Variants in GRIK1 observed in about 807,000 individuals in gnomAD.
The protein encoded by GRIK1 is glutamate receptor ionotropic, kainate 1.
In GRIK1, 69 loss-of-function variants were observed where a neutral mutation model predicts 105.7. The ratio of observed to expected loss-of-function variants is 0.65; its 90% CI spans 0.54 to 0.80. The LOEUF (loss-of-function observed/expected upper bound fraction) is 0.80. GRIK1 is among the 30% of genes least tolerant of loss of function. GRIK1 has a pLI of 0.00. For missense variants in GRIK1, 1,109 were observed against 1,167.3 expected, an observed-to-expected ratio of 0.95 and a Z score of 0.73; for synonymous variants, 438 against 431.3, an observed-to-expected ratio of 1.02 and a Z score of -0.19.
chr21:29,651,048 G>A, intron 6 of GRIK1, 70 bp downstream of exon 6: 1 of 1,126,928 alleles, frequency 8.9e-7, no homozygotes, highest in Non-Finnish European at 1.3e-6. Context: ...ATATTTTAAA[G>A]ATACGTGAGA....
chr21:29,622,577 A>G (rs958093538), intron 7 of GRIK1, among the ~76,000 whole-genome samples: 6 of 152,188 alleles, frequency 3.9e-5, no homozygotes, highest in Non-Finnish European at 5.9e-5. Context: ...CCAAATTCCC[A>G]GAAGGGTGAT....
intron 3 of GRIK1, among the ~76,000 whole-genome samples, chr21:29,676,559 C>G (rs1439487524): frequency 6.6e-6 from 1 of 152,164 alleles, no homozygotes. Context: ...GGCACAACAC[C>G]TAGCTTTGCT....
intron 1 of GRIK1, among the ~76,000 whole-genome samples, chr21:29,930,840 T>A (rs2071540694): frequency 6.6e-6 from 1 of 152,220 alleles, no homozygotes; most frequent in African/African-American, 2.4e-5. Flanking sequence ...TTAAGGACAC[T>A]CTTAGAAAAC....
intron 1 of GRIK1, among the ~76,000 whole-genome samples, chr21:29,770,330 C>G (rs1211701903): frequency 6.6e-6 from 1 of 152,204 alleles, no homozygotes; most frequent in African/African-American, 2.4e-5. Flanking sequence ...GTAGTGCCCA[C>G]GTCTGGGTCT....
intron 8 of GRIK1, among the ~76,000 whole-genome samples, chr21:29,598,320 T>C (rs1229715980): frequency 1.3e-5 from 2 of 152,228 alleles, no homozygotes; most frequent in Non-Finnish European, 1.5e-5. Context: ...TACAGTTTTT[T>C]GGCATTTGTC....
At chr21:29,623,129 C>T (rs2062044102) in intron 7 of GRIK1, among the ~76,000 whole-genome samples, 2 of 152,184 alleles carry the variant, frequency 1.3e-5, no homozygotes, top group South Asian at 4.1e-4. Flanking sequence ...CGCAGTTCCA[C>T]ATGGCTGGGG....
At chr21:29,646,849 C>A (rs1601362109) in intron 6 of GRIK1, among the ~76,000 whole-genome samples, 1 of 149,302 alleles carries the variant, frequency 6.7e-6, no homozygotes, top group South Asian at 2.1e-4. Context: ...TTCTTTCTTT[C>A]CTTTTTTTTT....
intron 1 of GRIK1, among the ~76,000 whole-genome samples, chr21:29,927,004 A>C (rs954694233): frequency 6.6e-6 from 1 of 152,152 alleles, no homozygotes; most frequent in East Asian, 1.9e-4. Context: ...GAATATTCTC[A>C]TGAGAAGCAG....
chr21:29,904,334 C>A (rs961268907), intron 1 of GRIK1, among the ~76,000 whole-genome samples: 4 of 150,342 alleles, frequency 2.7e-5, no homozygotes, highest in African/African-American at 9.8e-5. Context: ...AAAAAGGACT[C>A]AAATAACCTA....
intron 6 of GRIK1, among the ~76,000 whole-genome samples, chr21:29,647,908 T>C (rs1198800953): frequency 6.6e-6 from 1 of 152,246 alleles, no homozygotes; most frequent in Non-Finnish European, 1.5e-5. Context: ...AACAATTTTC[T>C]TAGTAACTTA....
chr21:29,602,634 A>C (rs967693517), intron 7 of GRIK1, among the ~76,000 whole-genome samples: 1 of 152,226 alleles, frequency 6.6e-6, no homozygotes, highest in African/African-American at 2.4e-5. Context: ...GGATAAGTCC[A>C]CCAAGCAAAG....
chr21:29,702,257 C>T (rs188298077), intron 1 of GRIK1, among the ~76,000 whole-genome samples: 2 of 152,168 alleles, frequency 1.3e-5, no homozygotes, highest in Admixed American at 1.3e-4. Context: ...ACATATTTAC[C>T]TATGTACAAA....
intron 9 of GRIK1, 40 bp downstream of exon 9, chr21:29,596,486 C>A (rs1444769709): frequency 7.1e-7 from 1 of 1,409,556 alleles, no homozygotes; most frequent in Non-Finnish European, 1.0e-6. Flanking sequence ...ATTCCCCATC[C>A]CACCCCCAGG....
intron 1 of GRIK1, among the ~76,000 whole-genome samples, chr21:29,738,112 A>T (rs1444102571): frequency 6.6e-6 from 1 of 152,226 alleles, no homozygotes; most frequent in East Asian, 1.9e-4. Context: ...GGCAGCACAG[A>T]ACTGAATGGA....
intron 14 of GRIK1, among the ~76,000 whole-genome samples, chr21:29,564,157 A>AT (rs1202653208): frequency 2.0e-5 from 3 of 151,396 alleles, no homozygotes; most frequent in Non-Finnish European, 2.9e-5. Flanking sequence ...TTATTTATTT[A>AT]TTTTTTTTGA....
intron 1 of GRIK1, among the ~76,000 whole-genome samples, chr21:29,701,216 G>C (rs544600259): frequency 3.3e-5 from 5 of 152,190 alleles, no homozygotes; most frequent in Admixed American, 2.0e-4. Context: ...CAACAGATAC[G>C]CATCTGACTT....
chr21:29,785,370 C>T (rs1035068498), intron 1 of GRIK1, among the ~76,000 whole-genome samples: 3 of 151,924 alleles, frequency 2.0e-5, no homozygotes, highest in African/African-American at 7.3e-5. Context: ...TTGAGCTAGC[C>T]TGGCCAAAGT....
intron 1 of GRIK1, among the ~76,000 whole-genome samples, chr21:29,746,224 A>ACAT (rs1332267597): frequency 6.6e-6 from 1 of 152,224 alleles, no homozygotes; most frequent in East Asian, 1.9e-4. Context: ...GTTAATTTTA[A>ACAT]CATCTCTCTA....
chr21:29,905,304 T>C (rs1002830300), intron 1 of GRIK1, among the ~76,000 whole-genome samples: 2 of 152,242 alleles, frequency 1.3e-5, no homozygotes, highest in South Asian at 4.2e-4. Flanking sequence ...TAAGTTACAC[T>C]GACTTCTCCC....
Sources: allele counts gnomAD v4.1 joint callset (sites outside exome capture counted in the v4.1 genomes callset), GRCh38; gene constraint gnomAD v4.1.1; transcripts MANE v1.5; gene names NCBI Gene and HGNC (gene_info 2026-07-23, HGNC 2026-07-21).